Variants in COLEC12 observed in about 807,000 individuals in gnomAD.
COLEC12 encodes collectin subfamily member 12.
COLEC12 carries 33 observed loss-of-function variants against 71.1 expected under a neutral mutation model. The observed-to-expected ratio is 0.46, with a 90% CI of 0.35 to 0.62. The LOEUF is 0.62. Ranked by LOEUF, COLEC12 falls within the 20% of genes least tolerant of loss-of-function variation. The pLI, the probability that COLEC12 is intolerant of heterozygous loss-of-function variation, is 0.00. For synonymous variants in COLEC12, 350 were observed against 353.0 expected (o/e 0.99, Z 0.10); for missense variants, 765 against 916.1 (o/e 0.84, Z 2.13).
chr18:467,986 G>A (rs975672881), intron 2 of COLEC12, among the ~76,000 whole-genome samples: 11 of 152,192 alleles, frequency 7.2e-5, no homozygotes, highest in Middle Eastern at 6.8e-3. Context: ...AAATCAGGCC[G>A]GGCGCAGTGC....
chr18:433,672 T>C (rs2143679593), intron 2 of COLEC12, among the ~76,000 whole-genome samples: 1 of 152,220 alleles, frequency 6.6e-6, no homozygotes, highest in Non-Finnish European at 1.5e-5. Flanking sequence ...CTGCCCTGCT[T>C]ATTAAAAGGC....
At chr18:325,626 C>CATT (rs1567872998) in intron 8 of COLEC12, among the ~76,000 whole-genome samples, 6 of 55,946 alleles carry the variant, frequency 1.1e-4, no homozygotes, top group African/African-American at 3.8e-4. Context: ...AAAGGATCAG[C>CATT]CTTTTTTTTT....
chr18:341,941 G>A (rs1914261733), intron 5 of COLEC12, among the ~76,000 whole-genome samples: 1 of 152,178 alleles, frequency 6.6e-6, no homozygotes, highest in Non-Finnish European at 1.5e-5. Context: ...AGCTTGCAGA[G>A]GAACAGCCCA....
At chr18:423,481 A>G (rs1916138117) in intron 2 of COLEC12, among the ~76,000 whole-genome samples, 1 of 151,958 alleles carries the variant, frequency 6.6e-6, no homozygotes, top group Non-Finnish European at 1.5e-5. Flanking sequence ...GTTATAAATC[A>G]TTTTTTTCTT....
At chr18:361,804 G>A (rs1047617699) in intron 2 of COLEC12, among the ~76,000 whole-genome samples, 3 of 152,180 alleles carry the variant, frequency 2.0e-5, no homozygotes, top group Non-Finnish European at 2.9e-5. Flanking sequence ...CTGACCTCCC[G>A]CTGAAGGACT....
At chr18:404,588 G>A (rs1915750087) in intron 2 of COLEC12, among the ~76,000 whole-genome samples, 1 of 152,220 alleles carries the variant, frequency 6.6e-6, no homozygotes, top group Admixed American at 6.5e-5. Context: ...AGCCGTGGCA[G>A]AGGAACATAA....
chr18:413,880 G>T (rs1463980096), intron 2 of COLEC12, among the ~76,000 whole-genome samples: 3 of 152,212 alleles, frequency 2.0e-5, no homozygotes, highest in Non-Finnish European at 4.4e-5. Context: ...TGCTCAGTGG[G>T]GTTGGGGAAC....
At chr18:495,191 A>T (rs1051835524) in intron 1 of COLEC12, among the ~76,000 whole-genome samples, 1 of 152,228 alleles carries the variant, frequency 6.6e-6, no homozygotes, top group African/African-American at 2.4e-5. Context: ...TGAAAAAGAA[A>T]TCAAATCACT....
intron 2 of COLEC12, among the ~76,000 whole-genome samples, chr18:477,812 T>C (rs1360138054): frequency 1.3e-5 from 2 of 152,152 alleles, no homozygotes; most frequent in African/African-American, 4.8e-5. Context: ...TGAGTTTAAG[T>C]AGCTGGTTTC....
intron 2 of COLEC12, among the ~76,000 whole-genome samples, chr18:442,938 G>A (rs554041102): frequency 6.6e-6 from 1 of 152,310 alleles, no homozygotes; most frequent in Non-Finnish European, 1.5e-5. Context: ...TCCAGCCTGG[G>A]CGACAGAGCG....
intron 2 of COLEC12, among the ~76,000 whole-genome samples, chr18:460,011 C>T (rs114152298): frequency 0.01 from 1,516 of 150,188 alleles, 25 homozygotes; most frequent in African/African-American, 0.035. Flanking sequence ...ATTAGCTTGC[C>T]GAATTCTTCA....
intron 5 of COLEC12, among the ~76,000 whole-genome samples, chr18:339,269 T>A (rs1193316936): frequency 6.6e-6 from 1 of 152,204 alleles, no homozygotes; most frequent in Non-Finnish European, 1.5e-5. Flanking sequence ...TTTTCATTCA[T>A]CCTATTTCTT....
intron 2 of COLEC12, among the ~76,000 whole-genome samples, chr18:424,745 T>C (rs2621201): frequency 0.9 from 137,512 of 152,216 alleles, 62,517 homozygotes; most frequent in East Asian, 1. Context: ...CTCGTCAATG[T>C]ACTGGCTCAA....
At chr18:340,303 C>T (rs113426974) in intron 5 of COLEC12, among the ~76,000 whole-genome samples, 7 of 152,194 alleles carry the variant, frequency 4.6e-5, no homozygotes, top group Non-Finnish European at 7.4e-5. Flanking sequence ...GATACCCACG[C>T]GGCTGGTAAA....
At chr18:370,416 C>T (rs1037940989) in intron 2 of COLEC12, among the ~76,000 whole-genome samples, 2 of 152,194 alleles carry the variant, frequency 1.3e-5, no homozygotes, top group African/African-American at 2.4e-5. Context: ...GAAGAAGCGG[C>T]TTTGGGTGAG....
intron 3 of COLEC12, among the ~76,000 whole-genome samples, chr18:354,877 G>A (rs1024062883): frequency 1.3e-5 from 2 of 152,088 alleles, no homozygotes; most frequent in Non-Finnish European, 2.9e-5. Context: ...TCATCTTGGT[G>A]AGACTGCCCC....
intron 2 of COLEC12, among the ~76,000 whole-genome samples, chr18:435,086 C>T (rs1916378088): frequency 6.6e-6 from 1 of 152,188 alleles, no homozygotes; most frequent in African/African-American, 2.4e-5. Context: ...TTCATTTATA[C>T]TTTCCTAGCT....
intron 3 of COLEC12, among the ~76,000 whole-genome samples, chr18:349,389 G>A (rs538938039): frequency 3.9e-5 from 6 of 152,348 alleles, no homozygotes; most frequent in South Asian, 4.1e-4. Context: ...GGGAACCTCC[G>A]CCTGGATTTC....
intron 2 of COLEC12, among the ~76,000 whole-genome samples, chr18:392,708 G>A (rs1915488225): frequency 6.6e-6 from 1 of 152,192 alleles, no homozygotes; most frequent in Non-Finnish European, 1.5e-5. Flanking sequence ...GGCCTTTTAT[G>A]GGCCCACTTC....
Sources: allele counts gnomAD v4.1 joint callset (sites outside exome capture counted in the v4.1 genomes callset), GRCh38; gene constraint gnomAD v4.1.1; transcripts MANE v1.5; gene names NCBI Gene and HGNC (gene_info 2026-07-23, HGNC 2026-07-21).